The following INO80 variants were observed in gnomAD, a reference collection of about 807,000 sequenced individuals.
INO80 encodes INO80 complex ATPase subunit, also known as chromatin-remodeling ATPase INO80.
Under a neutral mutation model 203.4 loss-of-function variants are expected in INO80, and 20 were observed. The observed-to-expected ratio is 0.10, with a 90% confidence interval of 0.07 to 0.14. The LOEUF is 0.14. Ranked by LOEUF, INO80 falls within the 10% of genes least tolerant of loss-of-function variation. The pLI is 1.00. For synonymous variants in INO80, 726 were observed against 685.2 expected (o/e 1.06, Z -0.93); for missense variants, 1,419 against 1,914.4 (o/e 0.74, Z 4.83).
chr15:41,084,785 G>A (rs372905969), intron 7 of INO80, among the ~76,000 whole-genome samples: 2 of 152,124 alleles, frequency 1.3e-5, no homozygotes, highest in East Asian at 3.8e-4. Context: ...TGTTACACAA[G>A]CTAGAGTGCA....
chr15:41,078,503 C>T lies in INO80; in HGVS notation c.1131+1198G>A, dbSNP rs571898175. The stretch of plus-strand genomic sequence containing the variant: ...TTACTAACTTGATAATTATGATTAC[C>T]TTGCATGCAAATATACGAATTAACC... On this transcript the variant is annotated intron_variant, in intron 9 of 35. Transcript: ENST00000648947. Among the ~76,000 whole-genome samples the T allele has an allele frequency of 5.3e-5, 8 of 152,136 alleles. No homozygotes were observed. In the South Asian group the frequency reaches 1.0e-3, roughly 20 times the overall value.
chr15:41,016,543 A>G (rs1400507891), intron 26 of INO80, among the ~76,000 whole-genome samples: 1 of 152,240 alleles, frequency 6.6e-6, no homozygotes, highest in Non-Finnish European at 1.5e-5. Context: ...GGTGACATCT[A>G]TGTCAATCTG....
intron 29 of INO80, among the ~76,000 whole-genome samples, chr15:40,996,624 A>G (rs2043885391): frequency 6.6e-6 from 1 of 152,162 alleles, no homozygotes. Context: ...ACGCCCAGCC[A>G]GGAATCCTCT....
intron 26 of INO80, among the ~76,000 whole-genome samples, chr15:41,020,300 AGT>A (rs2044271532): frequency 6.6e-6 from 1 of 152,180 alleles, no homozygotes; most frequent in Non-Finnish European, 1.5e-5. Context: ...CTACCATTCC[AGT>A]TTGCCTGCAG....
intron 18 of INO80, among the ~76,000 whole-genome samples, chr15:41,054,293 A>G (rs567286776): frequency 1.3e-5 from 2 of 152,342 alleles, no homozygotes; most frequent in Admixed American, 6.5e-5. Context: ...GGTTGTAAGT[A>G]TAAGAAAAAT....
chr15:41,115,473 A>C (rs2046019348), intron 1 of INO80, among the ~76,000 whole-genome samples: 1 of 152,210 alleles, frequency 6.6e-6, no homozygotes, highest in African/African-American at 2.4e-5. Context: ...ACCAGCCAGC[A>C]GCGTGCACCA....
At chr15:41,067,334 A>G (rs1288269427) in intron 14 of INO80, among the ~76,000 whole-genome samples, 1 of 152,060 alleles carries the variant, frequency 6.6e-6, no homozygotes, top group African/African-American at 2.4e-5. Context: ...CTCACCTCCT[A>G]AAGTGCTGAG....
At chr15:41,031,998 G>C (rs369511219) in intron 24 of INO80, among the ~76,000 whole-genome samples, 1,184 of 52,416 alleles carry the variant, frequency 0.023, 39 homozygotes, top group Non-Finnish European at 0.027. Context: ...CACAGCACAG[G>C]ACAGCACAGC....
intron 35 of INO80, among the ~76,000 whole-genome samples, chr15:40,982,146 T>C (rs943901106): frequency 4.6e-5 from 7 of 152,208 alleles, no homozygotes; most frequent in Non-Finnish European, 8.8e-5. Context: ...GGAATACTCC[T>C]TTTTACGTTT....
chr15:41,002,875 C>T (rs929319339), intron 28 of INO80, among the ~76,000 whole-genome samples: 24 of 152,200 alleles, frequency 1.6e-4, no homozygotes, highest in African/African-American at 5.1e-4. Flanking sequence ...GAGGCCGAGG[C>T]GGGTGGATCA....
chr15:41,058,554 TGTGTGTGTGTGTGTGC>T (rs1285125713), intron 16 of INO80, 69 bp downstream of exon 16: 38 of 971,062 alleles, frequency 3.9e-5, no homozygotes, highest in South Asian at 1.5e-4. Context: ...TACAAGTCTG[TGTGTGTGTGTGTGTGC>T]GTGTGTGTGT....
At chr15:41,066,826 T>G (rs981110953) in intron 14 of INO80, among the ~76,000 whole-genome samples, 4 of 74,162 alleles carry the variant, frequency 5.4e-5, no homozygotes, top group African/African-American at 2.1e-4. Flanking sequence ...AGAAAATGTC[T>G]CTAAGAAAAA....
chr15:41,098,398 G>A (rs2045756418), intron 1 of INO80, among the ~76,000 whole-genome samples: 1 of 152,108 alleles, frequency 6.6e-6, no homozygotes, highest in African/African-American at 2.4e-5. Context: ...AGACAAACTA[G>A]GCACAGTGGC....
rs142470787 is a variant in INO80 at position 41,006,366 on chromosome 15, CTTTTG to C, written c.3403-684_3403-680del. The stretch of plus-strand genomic sequence containing the variant: ...ATGTCCAAATGAACATTTATTTCCT[CTTTTG>C]TTATCTCTGATTATGCTACAAAAAG... On this transcript the variant is annotated intron_variant, in intron 27 of 35. Transcript: ENST00000648947. 2.8e-4 allele frequency among the ~76,000 whole-genome samples: 43 copies of C among 152,284 alleles called. No homozygotes were observed. In the East Asian group the frequency reaches 7.9e-3, roughly 28 times the overall value.
rs752415910 is a variant in INO80, at chr15:41,095,858, C to T, written c.214G>A (p.Val72Ile). 2 of 1,613,138 alleles carry T rather than the reference C, an allele frequency of 1.2e-6. No individual in the cohort carries two copies. Among genetic ancestry groups the T allele is most frequent in the East Asian group, 2.2e-5 (1 of 44,858 alleles). Residue 72 changes from valine to isoleucine, a missense_variant, in exon 3 of 36, where the codon GTT becomes ATT. By Grantham distance (29) the Val-to-Ile change is conservative. Around this residue, in one of 9 missense-constraint regions of INO80, gnomAD observed 323 missense variants for 325.4 expected, o/e 0.99. Transcript: ENST00000648947. ...AATGAATTTGGAGGTTCTTCCTTAA[C>T]TTGTATTAAGGGATCCCCAGACTGG... is the stretch of plus-strand genomic sequence containing the variant. ...LPQSGDPLIQVKEEPPNSLLG... is the reference protein window; with the variant it reads ...LPQSGDPLIQIKEEPPNSLLG...
intron 1 of INO80, among the ~76,000 whole-genome samples, chr15:41,101,740 C>T (rs562248000): frequency 4.6e-5 from 7 of 151,868 alleles, no homozygotes; most frequent in South Asian, 2.1e-4. Context: ...TTAGTAGAGA[C>T]GGGGTTTCAC....
intron 33 of INO80, 26 bp from the exon 34 acceptor site, chr15:40,983,947 T>C: frequency 6.2e-7 from 1 of 1,611,096 alleles, no homozygotes; most frequent in Non-Finnish European, 8.5e-7. Flanking sequence ...TTAAGATCAT[T>C]ACGACCCCCT....
chr15:40,983,725 G>A, intron 34 of INO80, 37 bp downstream of exon 34: 1 of 1,601,766 alleles, frequency 6.2e-7, no homozygotes, highest in Non-Finnish European at 8.5e-7. Flanking sequence ...GCTGGGCAGT[G>A]GACCAGGCCC....
At chr15:41,103,415 A>T (rs575862784) in intron 1 of INO80, among the ~76,000 whole-genome samples, 15 of 152,238 alleles carry the variant, frequency 9.9e-5, no homozygotes, top group South Asian at 4.1e-4. Context: ...TTTGAGACAG[A>T]GTCTCGCTTT....
Sources: gnomAD v4.1 joint callset for allele counts (sites outside exome capture counted in the v4.1 genomes callset) on GRCh38, gnomAD v4.1.1 for gene constraint, gnomAD v4.1.1 regional missense constraint, MANE v1.5 for transcripts, NCBI Gene and HGNC (gene_info 2026-07-23, HGNC 2026-07-21) for gene names.